Variants in DNMT1 observed in about 807,000 individuals in gnomAD.
DNMT1 encodes the protein DNA (cytosine-5)-methyltransferase 1.
Under a neutral mutation model 205.3 loss-of-function variants are expected in DNMT1, and 24 were observed. That is an observed-to-expected ratio of 0.12 (90% CI 0.08 to 0.16). DNMT1 has a LOEUF of 0.16. Ranked by LOEUF, DNMT1 falls within the 10% of genes least tolerant of loss-of-function variation. The pLI, the probability that DNMT1 is intolerant of heterozygous loss-of-function variation, is 1.00. For synonymous variants in DNMT1, 817 were observed against 839.8 expected (o/e 0.97, Z 0.47); for missense variants, 1,293 against 2,177.7 (o/e 0.59, Z 8.09).
At chr19:10,175,293 A>C (rs1011081426) in intron 7 of DNMT1, among the ~76,000 whole-genome samples, 6 of 152,098 alleles carry the variant, frequency 3.9e-5, no homozygotes, top group African/African-American at 1.4e-4. Flanking sequence ...TATATATTCC[A>C]ACTATGTACC....
chr19:10,151,402 A>C lies in DNMT1; in HGVS notation c.2261T>G (p.Val754Gly), dbSNP rs2038339264. ...CCAAGGGGCTCCAAGGGTTACCTTG[A>C]CGGCTTCTCCGACCCAAGAGATGCG... is the stretch of plus-strand genomic sequence containing the variant. Reference protein sequence around the residue: ...KNRISWVGEAVKTDGKKSYYK... With the variant: ...KNRISWVGEAGKTDGKKSYYK... The change falls in exon 24 of 41, where the codon GTC (valine) becomes GGC (glycine). Residue 754 changes from valine (V) to glycine (G), a missense_variant. Physicochemically the swap from Val to Gly is moderately radical, Grantham distance 109. Transcript: ENST00000359526. The surrounding 1 kb of genome is among the most constrained non-coding windows in gnomAD (Gnocchi z 5.0). 2 of 1,613,388 alleles carry C rather than the reference A, an allele frequency of 1.2e-6. No homozygotes were observed. The highest frequency in any genetic ancestry group is 8.5e-7 in the Non-Finnish European group (1 of 1,180,006).
Position 10,183,111 on chromosome 19 carries a change from G to GTA in DNMT1, c.81-1036_81-1035dup, listed in dbSNP as rs780427806. Among the ~76,000 whole-genome samples, 323 of 134,818 alleles carry GTA rather than the reference G, an allele frequency of 2.4e-3. 1 individual carries two copies. Among genetic ancestry groups the GTA allele is most frequent in the East Asian group, 4.8e-3 (19 of 3,920 alleles). 88.4% of individuals were successfully genotyped at this position (134,818 alleles called of 152,430 possible). On this transcript the variant is annotated intron_variant, in intron 1 of 40. Coordinates refer to ENST00000359526, the MANE Select transcript of DNMT1 (RefSeq NM_001130823.3). ...TATATATACACGTATATATACGTGT[G>GTA]TATATATATATATATTTTTTTTTTT... is the stretch of plus-strand genomic sequence containing the variant.
chr19:10,173,651 C>T (rs1313820705), intron 8 of DNMT1, among the ~76,000 whole-genome samples: 1 of 151,956 alleles, frequency 6.6e-6, no homozygotes, highest in African/African-American at 2.4e-5. Context: ...TCCACCACGC[C>T]CAGCTAAGTT....
At position 10,141,158 on chromosome 19, in the gene DNMT1, T is replaced by C; in HGVS notation, c.3341A>G (p.Asp1114Gly). Residue 1114 changes from aspartate (D) to glycine (G), a missense_variant, in exon 31 of 41, where the codon GAT becomes GGT. Asp to Gly is a moderately conservative substitution (Grantham distance 94). This residue lies in a region of DNMT1 where 167 missense variants were observed against 258.1 expected (regional missense o/e 0.65). Transcript: ENST00000359526. Reference protein sequence around the residue: ...AYNAKSKSFEDPPNHARSPGN... With the variant: ...AYNAKSKSFEGPPNHARSPGN... ...AGGGCTACGGGCATGGTTGGGAGGA[T>C]CTTCAAAGCTTTTGCTCTTTGCATT... is the stretch of plus-strand genomic sequence containing the variant. 6.2e-7 allele frequency: 1 copy of C among 1,614,020 alleles called. No individual in the cohort carries two copies. Among genetic ancestry groups the C allele is most frequent in the Non-Finnish European group, 8.5e-7 (1 of 1,180,044 alleles).
chr19:10,168,239 C>G (rs1263184210), intron 10 of DNMT1, 91 bp downstream of exon 10: 5 of 1,485,500 alleles, frequency 3.4e-6, no homozygotes, highest in African/African-American at 1.4e-5. Flanking sequence ...TTAGTGCCCA[C>G]TGTTCCACAC....
At chr19:10,147,743 G>A (rs2038229270) in intron 27 of DNMT1, among the ~76,000 whole-genome samples, 2 of 152,164 alleles carry the variant, frequency 1.3e-5, no homozygotes, top group African/African-American at 2.4e-5. Context: ...GCTCCTCTGG[G>A]GGTGCTGGCT....
chr19:10,142,769 A>T (rs2089627521), intron 29 of DNMT1: 1 of 164,516 alleles, frequency 6.1e-6, no homozygotes, highest in Non-Finnish European at 1.3e-5. Context: ...AGGGAACTGC[A>T]AGGTAGATTC....
chr19:10,164,624 C>T (rs2038644256), intron 11 of DNMT1, among the ~76,000 whole-genome samples: 2 of 151,560 alleles, frequency 1.3e-5, no homozygotes, highest in African/African-American at 4.8e-5. Flanking sequence ...CAAAAACAAA[C>T]AAACAAACAA....
At position 10,140,377 on chromosome 19, in the gene DNMT1, T is replaced by C. The variant is rs754922473; in HGVS notation, c.3524-49A>G. On this transcript the variant is annotated intron_variant, in intron 32 of 40. Transcript: ENST00000359526. The surrounding 1 kb of genome is among the most constrained non-coding windows in gnomAD (Gnocchi z 8.4). ...TGCTTTCAACTCTCCAGAAGATTTT[T>C]TTTTTTTTTTGAGATGGAGTCTCGC... is the stretch of plus-strand genomic sequence containing the variant. 3 of 1,602,496 alleles carry C rather than the reference T, an allele frequency of 1.9e-6. No individual in the cohort carries two copies.
intron 28 of DNMT1, among the ~76,000 whole-genome samples, chr19:10,145,299 A>G (rs2038174520): frequency 6.6e-6 from 1 of 152,152 alleles, no homozygotes; most frequent in Non-Finnish European, 1.5e-5. Flanking sequence ...AGAAAACACT[A>G]CGGGGAGGTG....
rs560602853 is a variant in DNMT1, at chr19:10,154,183, A to G, written c.2019+110T>C. The G allele has an allele frequency of 2.5e-6, 3 of 1,199,962 alleles. No individual in the cohort carries two copies. The highest frequency in any genetic ancestry group is 4.7e-5 in the East Asian group (2 of 42,854). 74.3% of individuals were successfully genotyped at this position (1,199,962 alleles called of 1,614,324 possible). A position where few individuals can be genotyped will look rare whatever the true frequency, so the allele number is the denominator to read the frequency against. On this transcript the variant is annotated intron_variant, in intron 22 of 40. Transcript: ENST00000359526. The surrounding 1 kb of genome is among the most constrained non-coding windows in gnomAD (Gnocchi z 6.3). ...AACTAATTTCTGTCTCAGGGGTCAC[A>G]TTTGAGCAGCCAGAGTCTCAAGCCA...
intron 1 of DNMT1, 149 bp from the exon 2 acceptor site, chr19:10,182,226 G>A (rs576322493): frequency 1.5e-5 from 12 of 780,502 alleles, no homozygotes; most frequent in African/African-American, 3.5e-5. Context: ...TTGTCTCCCC[G>A]CAAGAGTCTA....
At chr19:10,169,738 C>G (rs2038774757) in intron 9 of DNMT1, among the ~76,000 whole-genome samples, 1 of 152,118 alleles carries the variant, frequency 6.6e-6, no homozygotes, top group South Asian at 2.1e-4. Context: ...TGCACTCCAG[C>G]CTGGGCGACA....
Position 10,137,783 on chromosome 19 carries a change from C to T in DNMT1, c.4293+49G>A, listed in dbSNP as rs1394511239. On this transcript the variant is annotated intron_variant, in intron 36 of 40. Coordinates refer to ENST00000359526, the MANE Select transcript of DNMT1 (RefSeq NM_001130823.3). The surrounding 1 kb of genome is among the most constrained non-coding windows in gnomAD (Gnocchi z 6.4). ...GGGCAGGCTGACTGTTCCCACGAGG[C>T]TGCTGGGCTGGGCCTCGAGGAGGAG... The T allele has an allele frequency of 6.3e-7, 1 of 1,595,776 alleles. No individual in the cohort carries two copies. Among genetic ancestry groups the T allele is most frequent in the East Asian group, 2.3e-5 (1 of 44,088 alleles).
In DNMT1 at chr19:10,143,955, C is replaced by T. The variant is rs750276897; in HGVS notation, c.2927G>A (p.Arg976Gln). The change falls in exon 29 of 41, where the codon CGG becomes CAG. Residue 976 changes from arginine to glutamine, a missense_variant. Physicochemically the swap from Arg to Gln is conservative, Grantham distance 43. Around this residue, in one of 13 missense-constraint regions of DNMT1, gnomAD observed 167 missense variants for 258.1 expected, o/e 0.65. Transcript: ENST00000359526. ...CAGGTCCTCATCCACGGGCTCCTTCCGTGGGCGTTTCACGGGACTGGACAG... is the reference window on the plus strand; with the variant it reads ...CAGGTCCTCATCCACGGGCTCCTTCTGTGGGCGTTTCACGGGACTGGACAG... ...IKLSSPVKRP[R>Q]KEPVDEDLYP... 6 of 1,613,910 alleles carry T rather than the reference C, an allele frequency of 3.7e-6. No individual in the cohort carries two copies. Among genetic ancestry groups the T allele is most frequent in the African/African-American group, 1.3e-5 (1 of 74,902 alleles).
intron 17 of DNMT1, among the ~76,000 whole-genome samples, chr19:10,157,590 A>G (rs1253846376): frequency 6.6e-6 from 1 of 152,196 alleles, no homozygotes; most frequent in Non-Finnish European, 1.5e-5. Context: ...GAGCCCCCAT[A>G]TGAAGTCTGC....
intron 11 of DNMT1, among the ~76,000 whole-genome samples, chr19:10,163,691 G>A (rs1449651114): frequency 6.6e-6 from 1 of 152,182 alleles, no homozygotes; most frequent in Non-Finnish European, 1.5e-5. Context: ...TGCTATGGTA[G>A]CACAAAAGCA....
At chr19:10,173,978 A>C in intron 7 of DNMT1, 73 bp from the exon 8 acceptor site, 3 of 1,429,176 alleles carry the variant, frequency 2.1e-6, no homozygotes, top group Non-Finnish European at 3.0e-6. Flanking sequence ...CAAAAGTGTG[A>C]GTTGAAATAT....
chr19:10,143,874 G>A lies in DNMT1; in HGVS notation c.3008C>T (p.Ala1003Val). The change falls in exon 29 of 41, where the codon GCC becomes GTC. Residue 1003 changes from alanine to valine, a missense_variant. This residue lies in a region of DNMT1 where 167 missense variants were observed against 258.1 expected (regional missense o/e 0.65). Coordinates refer to ENST00000359526, the MANE Select transcript of DNMT1 (RefSeq NM_001130823.3). ...SDYIKGSNLD[A>V]PEPYRIGRIK... ...CCGGCCAATTCGGTAGGGCTCAGGGGCATCCAGGTTGCTGCCTTTGATGTA... is the reference window on the plus strand; with the variant it reads ...CCGGCCAATTCGGTAGGGCTCAGGGACATCCAGGTTGCTGCCTTTGATGTA... The A allele has an allele frequency of 6.2e-7, 1 of 1,614,184 alleles. No homozygotes were observed. Among genetic ancestry groups the A allele is most frequent in the Non-Finnish European group, 8.5e-7 (1 of 1,180,038 alleles).
Sources: gnomAD v4.1 joint callset for allele counts (sites outside exome capture counted in the v4.1 genomes callset) on GRCh38, gnomAD v4.1.1 for gene constraint, gnomAD v4.1.1 regional missense constraint, Gnocchi (gnomAD v3.1) non-coding constraint, MANE v1.5 for transcripts, NCBI Gene and HGNC (gene_info 2026-07-23, HGNC 2026-07-21) for gene names.